Variants in CACNB1 observed in about 807,000 individuals in gnomAD.
CACNB1 encodes voltage-dependent L-type calcium channel subunit beta-1.
A neutral mutation model predicts 71.6 loss-of-function variants in CACNB1; 29 were observed. The ratio of observed to expected loss-of-function variants is 0.40; its 90% CI spans 0.30 to 0.55. CACNB1 has a LOEUF of 0.55. CACNB1 is among the 20% of genes least tolerant of loss of function. CACNB1 has a pLI of 0.38. For missense variants in CACNB1, 623 were observed against 801.8 expected (o/e 0.78, Z 2.69); for synonymous variants, 300 against 319.6 (o/e 0.94, Z 0.65).
At chr17:39,187,006 G>T in intron 4 of CACNB1, 77 bp from the exon 5 acceptor site, 5 of 1,514,816 alleles carry the variant, frequency 3.3e-6, no homozygotes, top group East Asian at 2.3e-5. Flanking sequence ...CTCTCTAGGG[G>T]AAACGCCCAG....
intron 7 of CACNB1, 78 bp from the exon 8 acceptor site, chr17:39,184,942 C>A (rs1306347979): frequency 3.5e-6 from 4 of 1,139,520 alleles, no homozygotes; most frequent in Non-Finnish European, 5.3e-6. Context: ...CAGGCTCCCC[C>A]ATGCAGCCTT....
At chr17:39,196,860 G>A (rs1228827797) in intron 1 of CACNB1, among the ~76,000 whole-genome samples, 5 of 152,034 alleles carry the variant, frequency 3.3e-5, no homozygotes, top group Admixed American at 2.6e-4. Context: ...ATGGAGCCCA[G>A]GTGGCTGGGA....
intron 2 of CACNB1, chr17:39,193,368 C>T (rs190085480): frequency 2.7e-4 from 105 of 390,734 alleles, no homozygotes; most frequent in Non-Finnish European, 5.2e-4. Flanking sequence ...CATGGAGACA[C>T]GCTGGAGTAA....
At chr17:39,176,689 A>G (rs1367709541) in intron 13 of CACNB1, among the ~76,000 whole-genome samples, 2 of 152,110 alleles carry the variant, frequency 1.3e-5, no homozygotes, top group Non-Finnish European at 2.9e-5. Flanking sequence ...GGCTCTTAAG[A>G]CCTTATACTT....
At chr17:39,190,974 G>T (rs915404390) in intron 3 of CACNB1, among the ~76,000 whole-genome samples, 1 of 151,834 alleles carries the variant, frequency 6.6e-6, no homozygotes, top group Non-Finnish European at 1.5e-5. Flanking sequence ...GGAGGCTGAG[G>T]GGGGCGGATC....
chr17:39,184,097 G>A lies in CACNB1; in HGVS notation c.832C>T (p.Arg278Cys), dbSNP rs2144124738. Residue 278 changes from arginine (R) to cysteine (C), a missense_variant, in exon 10 of 14, where the codon CGC (arginine) becomes TGC (cysteine). Arg to Cys is a radical substitution (Grantham distance 180, BLOSUM62 -3). Transcript: ENST00000394303. ...TTGCTGGGGTTGTTGAGAACTGAGC[G>A]CTTAGCCAGGGAAATATCTGCCGTC... is the stretch of plus-strand genomic sequence containing the variant. Reference protein sequence around the residue: ...RVTADISLAKRSVLNNPSKHI... With the variant: ...RVTADISLAKCSVLNNPSKHI... 1.9e-6 allele frequency: 3 copies of A among 1,613,550 alleles called. No homozygotes were observed. The highest frequency in any genetic ancestry group is 1.7e-6 in the Non-Finnish European group (2 of 1,179,670).
intron 6 of CACNB1, 35 bp from the exon 7 acceptor site, chr17:39,185,185 AGGAGAGAGGGAAGGG>A: frequency 6.3e-7 from 1 of 1,595,934 alleles, no homozygotes; most frequent in Non-Finnish European, 8.6e-7. Flanking sequence ...GGGAAGGGGG[AGGAGAGAGGGAAGGG>A]GACCCAGGCA....
At chr17:39,177,560 G>T (rs2045617544) in intron 12 of CACNB1, 25 bp from the exon 13 acceptor site, 2 of 1,559,238 alleles carry the variant, frequency 1.3e-6, no homozygotes. Flanking sequence ...TTAGGGGGCA[G>T]GGCTGGGATG....
chr17:39,187,574 T>C lies in CACNB1; in HGVS notation c.319A>G (p.Thr107Ala). 6.2e-7 allele frequency: 1 copy of C among 1,614,190 alleles called. No homozygotes were observed. The highest frequency in any genetic ancestry group is 8.5e-7 in the Non-Finnish European group (1 of 1,180,022). Residue 107 changes from threonine (T) to alanine (A), a missense_variant, in exon 4 of 14, where the codon ACA (threonine) becomes GCA (alanine). Coordinates refer to ENST00000394303, the MANE Select transcript of CACNB1 (RefSeq NM_000723.5). ...GGAGACGGATTGTAGCCAACATTTG[T>C]CCGCACAGCAAATGCCACTGGCTTG... ...KTKPVAFAVR[T>A]NVGYNPSPGD...
At chr17:39,197,267 A>G (rs2046220623) in intron 1 of CACNB1, 145 bp downstream of exon 1, 1 of 481,216 alleles carries the variant, frequency 2.1e-6, no homozygotes, top group South Asian at 3.7e-5. Context: ...ATCAATCACA[A>G]CCTGCAAGGA....
intron 8 of CACNB1, among the ~76,000 whole-genome samples, 170 bp from the exon 9 acceptor site, chr17:39,184,553 C>T (rs1400158407): frequency 1.3e-5 from 2 of 151,836 alleles, no homozygotes; most frequent in Non-Finnish European, 2.9e-5. Flanking sequence ...TCTCTGGTTC[C>T]AAGGTCCCTG....
Position 39,186,811 on chromosome 17 carries a change from T to C in CACNB1, c.533A>G (p.Gln178Arg). ...CAGACACCTGGAGCCGAGGCGGTTCTGGCGCAGCTTCTGTTCCTGCAGCAG... is the reference window on the plus strand; with the variant it reads ...CAGACACCTGGAGCCGAGGCGGTTCCGGCGCAGCTTCTGTTCCTGCAGCAG... ...LRLLQEQKLR[Q>R]NRLGSSKSGD... The change falls in exon 5 of 14, where the codon CAG (glutamine) becomes CGG (arginine). Residue 178 changes from glutamine to arginine, a missense_variant. Transcript: ENST00000394303. This position sits in a 1 kb window ranked among gnomAD's most constrained non-coding sequence, Gnocchi z 4.1. The C allele has an allele frequency of 1.9e-6, 3 of 1,614,020 alleles. No individual in the cohort carries two copies. The highest frequency in any genetic ancestry group is 2.5e-6 in the Non-Finnish European group (3 of 1,179,972).
chr17:39,182,700 AAAATAAATAAATAAAT>A (rs59927625), intron 11 of CACNB1, among the ~76,000 whole-genome samples: 102 of 140,292 alleles, frequency 7.3e-4, no homozygotes, highest in African/African-American at 1.7e-3. Flanking sequence ...GACTCTGTCT[AAAATAAATAAATAAAT>A]AAATAAATAA....
chr17:39,195,006 G>T, intron 1 of CACNB1, 36 bp from the exon 2 acceptor site: 1 of 1,458,298 alleles, frequency 6.9e-7, no homozygotes, highest in Non-Finnish European at 9.6e-7. Flanking sequence ...AGTAGAATCA[G>T]AAGGGCCCTT....
At position 39,186,318 on chromosome 17, in the gene CACNB1, A is replaced by G. The variant is rs1326048613; in HGVS notation, c.628+178T>C. The G allele has an allele frequency of 1.6e-6, 1 of 633,554 alleles. No individual in the cohort carries two copies. Among genetic ancestry groups the G allele is most frequent in the Non-Finnish European group, 2.8e-6 (1 of 360,880 alleles). The allele number at this position is 633,554 out of a possible 1,614,324, so 39.2% of individuals were successfully genotyped here. ...CTACCAAAGAAAAGGGAGAGGAGAG[A>G]CATGACAGGCCCAGCTTGAGGGGTA... On this transcript the variant is annotated intron_variant, in intron 6 of 13. Transcript: ENST00000394303. This position sits in a 1 kb window ranked among gnomAD's most constrained non-coding sequence, Gnocchi z 4.1.
At position 39,186,189 on chromosome 17, in the gene CACNB1, C is replaced by T. The variant is rs916474996; in HGVS notation, c.628+307G>A. On this transcript the variant is annotated intron_variant, in intron 6 of 13. Transcript: ENST00000394303. The surrounding 1 kb of genome is among the most constrained non-coding windows in gnomAD (Gnocchi z 4.1). The stretch of plus-strand genomic sequence containing the variant: ...TGAACGTGGAGACACAAGTACAGAA[C>T]GCAGGGATGGGGATGGGGAAAAAAG... 3.2e-5 allele frequency: 38 copies of T among 1,170,086 alleles called. No homozygotes were observed. Among genetic ancestry groups the T allele is most frequent in the Admixed American group, 9.3e-5 (5 of 53,792 alleles). The allele number at this position is 1,170,086 out of a possible 1,614,324, so 72.5% of individuals were successfully genotyped here.
intron 2 of CACNB1, chr17:39,192,178 A>G (rs2046097319): frequency 6.4e-6 from 1 of 156,184 alleles, no homozygotes; most frequent in Non-Finnish European, 1.4e-5. Flanking sequence ...CACTACTTAC[A>G]GCCCCAGTCC....
chr17:39,184,970 G>A (rs950032436), intron 7 of CACNB1, 106 bp from the exon 8 acceptor site: 10 of 1,010,000 alleles, frequency 9.9e-6, no homozygotes, highest in Non-Finnish European at 1.6e-5. Context: ...CCTGGTCCCA[G>A]AGCCCAGATG....
intron 1 of CACNB1, among the ~76,000 whole-genome samples, chr17:39,195,521 G>A (rs72823344): frequency 0.05 from 7,546 of 152,252 alleles, 223 homozygotes; most frequent in Middle Eastern, 0.085. Flanking sequence ...ACAGAGTAGG[G>A]AGGGGATGAC....
Sources: allele counts gnomAD v4.1 joint callset (sites outside exome capture counted in the v4.1 genomes callset), GRCh38; gene constraint gnomAD v4.1.1; non-coding constraint Gnocchi (gnomAD v3.1); transcripts MANE v1.5; gene names NCBI Gene and HGNC (gene_info 2026-07-23, HGNC 2026-07-21).